HECW1: variants seen among roughly 807,000 people sequenced by gnomAD.
HECW1 encodes the protein E3 ubiquitin-protein ligase HECW1.
Under a neutral mutation model 182.3 loss-of-function variants are expected in HECW1, and 61 were observed. That is an observed-to-expected ratio of 0.33 (90% confidence interval 0.27 to 0.41). The LOEUF is 0.41. Among genes scored for constraint, HECW1 ranks in the 10% least tolerant of loss-of-function variants. The probability of loss-of-function intolerance (pLI) is 1.00; values close to 1 mark genes in which losing one functional copy is unlikely to be tolerated. For missense variants in HECW1, 1,739 were observed against 2,108.9 expected, an observed-to-expected ratio of 0.82 and a Z score of 3.44; for synonymous variants, 859 against 832.6, an observed-to-expected ratio of 1.03 and a Z score of -0.55.
At chr7:43,224,384 T>C (rs1797241922) in intron 2 of HECW1, among the ~76,000 whole-genome samples, 1 of 152,094 alleles carries the variant, frequency 6.6e-6, no homozygotes, top group Non-Finnish European at 1.5e-5. Flanking sequence ...TACTTGTAGC[T>C]CAAAATCAGA....
chr7:43,325,792 G>C (rs1303535073), intron 5 of HECW1, among the ~76,000 whole-genome samples: 1 of 152,190 alleles, frequency 6.6e-6, no homozygotes, highest in Non-Finnish European at 1.5e-5. Context: ...GGCTCGGCCT[G>C]TCTTGCCCCT....
chr7:43,190,956 C>T (rs1335617038), intron 2 of HECW1, among the ~76,000 whole-genome samples: 1 of 152,156 alleles, frequency 6.6e-6, no homozygotes, highest in Non-Finnish European at 1.5e-5. Flanking sequence ...AGAATATTTT[C>T]CCCCTTCCAT....
intron 2 of HECW1, among the ~76,000 whole-genome samples, chr7:43,227,460 T>G (rs1797528625): frequency 6.6e-6 from 1 of 152,168 alleles, no homozygotes; most frequent in South Asian, 2.1e-4. Flanking sequence ...CTTTAATCAC[T>G]AAGTGCAGAA....
At chr7:43,180,750 A>G (rs1026508639) in intron 2 of HECW1, among the ~76,000 whole-genome samples, 12 of 152,218 alleles carry the variant, frequency 7.9e-5, no homozygotes, top group Admixed American at 3.3e-4. Flanking sequence ...ATGAAGTACA[A>G]TGTGATGTCT....
intron 5 of HECW1, among the ~76,000 whole-genome samples, chr7:43,357,822 T>C: frequency 6.6e-6 from 1 of 152,194 alleles, no homozygotes; most frequent in Non-Finnish European, 1.5e-5. Flanking sequence ...TTACATTCAT[T>C]TGATCTTTAC....
intron 8 of HECW1, among the ~76,000 whole-genome samples, chr7:43,407,941 T>C (rs1302852779): frequency 1.3e-5 from 2 of 152,180 alleles, no homozygotes; most frequent in Admixed American, 6.5e-5. Context: ...ACACTTTTCA[T>C]TGCACTGCAT....
intron 2 of HECW1, chr7:43,121,882 G>C (rs1785655146): frequency 6.6e-6 from 1 of 152,176 alleles, no homozygotes; most frequent in Non-Finnish European, 1.5e-5. Flanking sequence ...ACTTGCCTCA[G>C]TATCTGCCTC....
rs181397570 is a variant in HECW1, at chr7:43,209,421, C to T, written c.-31-34454C>T. The stretch of plus-strand genomic sequence containing the variant: ...CTTCCTGAGCCTCTCACTCTGGATC[C>T]GGTTCTCTGCCTTTTTCAGGCCAAT... On this transcript the variant is annotated intron_variant, in intron 2 of 29. Transcript: ENST00000395891. 1.1e-3 allele frequency among the ~76,000 whole-genome samples: 175 copies of T among 152,188 alleles called. 2 individuals are homozygous for T. In the Middle Eastern group the frequency reaches 0.02, roughly 18 times the overall value.
chr7:43,160,904 T>TTTAC (rs1409831168), intron 2 of HECW1, among the ~76,000 whole-genome samples: 2 of 152,140 alleles, frequency 1.3e-5, no homozygotes, highest in Admixed American at 6.5e-5. Context: ...TATTTATTTA[T>TTTAC]TTACTTACTT....
chr7:43,182,989 A>G (rs1044201884), intron 2 of HECW1, among the ~76,000 whole-genome samples: 1 of 152,174 alleles, frequency 6.6e-6, no homozygotes, highest in African/African-American at 2.4e-5. Flanking sequence ...ATAGTTCACT[A>G]TTAGCACATA....
In HECW1 at chr7:43,444,398, G is replaced by C; in HGVS notation, c.1226G>C (p.Ser409Thr). 6.2e-7 allele frequency: 1 copy of C among 1,614,090 alleles called. No individual in the cohort carries two copies. The highest frequency in any genetic ancestry group is 8.5e-7 in the Non-Finnish European group (1 of 1,180,000). Reference protein sequence around the residue: ...GSVPDGPGNQSIELSRPAEEA... With the variant: ...GSVPDGPGNQTIELSRPAEEA... ...GTCCCCGATGGTCCAGGGAACCAAA[G>C]CATAGAGCTTTCCAGACCAGCTGAG... Residue 409 changes from serine to threonine, a missense_variant, in exon 11 of 30, where the codon AGC becomes ACC. By Grantham distance (58) the Ser-to-Thr change is moderately conservative. Coordinates refer to ENST00000395891, the MANE Select transcript of HECW1 (RefSeq NM_015052.5). The surrounding 1 kb of genome is among the most constrained non-coding windows in gnomAD (Gnocchi z 4.3).
rs959684214 is a variant in HECW1 at position 43,248,184 on chromosome 7, C to T, written c.27+4252C>T. ...AGAGGAGCCCAGAGAGGTTGTGTGTCATCAGAGATCACCCAGAGATCGCAG... is the reference window on the plus strand; with the variant it reads ...AGAGGAGCCCAGAGAGGTTGTGTGTTATCAGAGATCACCCAGAGATCGCAG... On this transcript the variant is annotated intron_variant, in intron 3 of 29. Coordinates refer to ENST00000395891, the MANE Select transcript of HECW1 (RefSeq NM_015052.5). Among the ~76,000 whole-genome samples, 6 of 152,182 alleles carry T rather than the reference C, an allele frequency of 3.9e-5. No homozygotes were observed. The East Asian group carries it at 9.7e-4, about 25-fold the overall frequency.
At chr7:43,253,573 T>C (rs1377098748) in intron 3 of HECW1, among the ~76,000 whole-genome samples, 3 of 152,210 alleles carry the variant, frequency 2.0e-5, no homozygotes. Context: ...TAACTCTGAC[T>C]TAGTTTTGTT....
chr7:43,480,696 T>TAC (rs202003443), intron 17 of HECW1, among the ~76,000 whole-genome samples: 92 of 135,390 alleles, frequency 6.8e-4, no homozygotes, highest in African/African-American at 1.8e-3. Context: ...TATATATATA[T>TAC]ACACACACAC....
chr7:43,523,673 G>T (rs1563088270), intron 24 of HECW1, among the ~76,000 whole-genome samples: 1 of 152,052 alleles, frequency 6.6e-6, no homozygotes, highest in Non-Finnish European at 1.5e-5. Flanking sequence ...CTTTTTCCTT[G>T]AGATCGAGGG....
chr7:43,251,014 G>A (rs1327669077), intron 3 of HECW1, among the ~76,000 whole-genome samples: 1 of 152,096 alleles, frequency 6.6e-6, no homozygotes, highest in African/African-American at 2.4e-5. Context: ...ACAATCATTC[G>A]TTACTTCTCC....
rs116220501 is a variant in HECW1 at position 43,359,163 on chromosome 7, G to A, written c.461-1723G>A. Among the ~76,000 whole-genome samples, 313 of 152,166 alleles carry A rather than the reference G, an allele frequency of 2.1e-3. 1 individual carries two copies. Among genetic ancestry groups the A allele is most frequent in the African/African-American group, 6.8e-3 (283 of 41,538 alleles). ...CCTAAAGAAGACTACTGTAATATTC[G>A]TATCTACAGCATTGAGGAAACCTTT... On this transcript the variant is annotated intron_variant, in intron 5 of 29. Coordinates refer to ENST00000395891, the MANE Select transcript of HECW1 (RefSeq NM_015052.5).
chr7:43,454,481 A>G (rs2152887119), intron 12 of HECW1, among the ~76,000 whole-genome samples: 1 of 152,334 alleles, frequency 6.6e-6, no homozygotes, highest in African/African-American at 2.4e-5. Flanking sequence ...GCTAATTACC[A>G]TTTACACTTA....
intron 5 of HECW1, among the ~76,000 whole-genome samples, chr7:43,360,294 A>C (rs2109812): frequency 0.66 from 99,502 of 151,422 alleles, 33,396 homozygotes; most frequent in African/African-American, 0.8. Context: ...TCTCTGCAGC[A>C]TTAAAGTCCT....
Sources: allele counts gnomAD v4.1 joint callset (sites outside exome capture counted in the v4.1 genomes callset), GRCh38; gene constraint gnomAD v4.1.1; non-coding constraint Gnocchi (gnomAD v3.1); transcripts MANE v1.5; gene names NCBI Gene and HGNC (gene_info 2026-07-23, HGNC 2026-07-21).